The following RASGEF1C variants were observed in gnomAD, a reference collection of about 807,000 sequenced individuals.
The protein encoded by RASGEF1C is RasGEF domain family member 1C, also known as ras-GEF domain-containing family member 1C.
RASGEF1C carries 27 observed loss-of-function variants against 58.1 expected under a neutral mutation model. That is an observed-to-expected ratio of 0.46 (90% CI 0.34 to 0.64). The LOEUF is 0.64. RASGEF1C is among the 30% of genes least tolerant of loss of function. The pLI is 0.01. For missense variants in RASGEF1C, 502 were observed against 605.1 expected, an observed-to-expected ratio of 0.83 and a Z score of 1.79; for synonymous variants, 243 against 246.3, an observed-to-expected ratio of 0.99 and a Z score of 0.13.
At chr5:180,117,563 A>G (rs1766089857) in intron 10 of RASGEF1C, among the ~76,000 whole-genome samples, 2 of 152,306 alleles carry the variant, frequency 1.3e-5, no homozygotes, top group African/African-American at 4.8e-5. Flanking sequence ...TCAGGATGGT[A>G]ACAGGTTTCA....
intron 3 of RASGEF1C, 51 bp from the exon 4 acceptor site, chr5:180,136,566 G>A (rs1201402935): frequency 9.1e-6 from 14 of 1,532,794 alleles, no homozygotes; most frequent in East Asian, 2.4e-5. Flanking sequence ...GGGTGGGCAC[G>A]TGAGCCTCAC....
At chr5:180,195,545 G>C (rs1433338821) in intron 1 of RASGEF1C, among the ~76,000 whole-genome samples, 1 of 152,126 alleles carries the variant, frequency 6.6e-6, no homozygotes, top group Non-Finnish European at 1.5e-5. Flanking sequence ...TGCATCACGA[G>C]GTCAGGAGAT....
chr5:180,101,274 G>A lies in RASGEF1C; in HGVS notation c.*227C>T, dbSNP rs1010887304. ...GCAGGATGTCCCCAAGGCATGTGCC[G>A]CCCGCACGTCTGGAGGCCCTGGGTC... On this transcript the variant is annotated 3_prime_UTR_variant, in exon 14 of 14. Transcript: ENST00000361132. 87 of 578,930 alleles carry A rather than the reference G, an allele frequency of 1.5e-4. 2 individuals carry two copies. The East Asian group carries it at 2.1e-3, about 14-fold the overall frequency. The allele number at this position is 578,930 out of a possible 1,614,324, so 35.9% of individuals were successfully genotyped here.
At position 180,172,320 on chromosome 5, in the gene RASGEF1C, G is replaced by T. The variant is rs1198936586; in HGVS notation, c.-6-34262C>A. On this transcript the variant is annotated intron_variant, in intron 1 of 13. Transcript: ENST00000361132. ...GCCCTTAGATGCCACCTCCAGGAAGGCTCCCATGCCTCCTCCTAGGCAGGA... is the reference window on the plus strand; with the variant it reads ...GCCCTTAGATGCCACCTCCAGGAAGTCTCCCATGCCTCCTCCTAGGCAGGA... Among the ~76,000 whole-genome samples, 4 of 151,966 alleles carry T rather than the reference G, an allele frequency of 2.6e-5. No individual in the cohort carries two copies. In the East Asian group the frequency reaches 5.9e-4, roughly 22 times the overall value.
intron 1 of RASGEF1C, among the ~76,000 whole-genome samples, chr5:180,184,782 A>G (rs547251483): frequency 1.3e-5 from 2 of 152,344 alleles, no homozygotes; most frequent in South Asian, 4.1e-4. Flanking sequence ...AATAGATTTC[A>G]GATCAAATAA....
rs956808677 is a variant in RASGEF1C, at chr5:180,143,345, G to A, written c.-6-5287C>T. 3.3e-5 allele frequency among the ~76,000 whole-genome samples: 5 copies of A among 152,220 alleles called. No individual in the cohort carries two copies. In the East Asian group the frequency reaches 5.8e-4, roughly 18 times the overall value. On this transcript the variant is annotated intron_variant, in intron 1 of 13. Coordinates refer to ENST00000361132, the MANE Select transcript of RASGEF1C (RefSeq NM_175062.4). This position sits in a 1 kb window ranked among gnomAD's most constrained non-coding sequence, Gnocchi z 4.3. The stretch of plus-strand genomic sequence containing the variant: ...CCAGCCCAACCCCTCTATGGGAGAC[G>A]GGAAATGTGTGCAGGGACAGGGGCA...
rs144869075 is a variant in RASGEF1C at position 180,118,722 on chromosome 5, G to A, written c.988-18C>T. 1.4e-3 allele frequency: 2,203 copies of A among 1,614,060 alleles called. 4 individuals are homozygous for A. The highest frequency in any genetic ancestry group is 1.7e-3 in the Non-Finnish European group (2,035 of 1,179,898). On this transcript the variant is annotated intron_variant, in intron 9 of 13. Coordinates refer to ENST00000361132, the MANE Select transcript of RASGEF1C (RefSeq NM_175062.4). ...ATCTGGTGCTGGAAGGAGACAGGGA[G>A]GCATGTGGGCAGTTCTGTCCAGGGG...
intron 1 of RASGEF1C, among the ~76,000 whole-genome samples, chr5:180,202,700 GTCTT>G (rs1427813330): frequency 2.0e-5 from 3 of 151,540 alleles, no homozygotes; most frequent in Non-Finnish European, 2.9e-5. Context: ...GTACTCACAA[GTCTT>G]TCTTTTTTTT....
At chr5:180,167,083 G>A (rs917129408) in intron 1 of RASGEF1C, among the ~76,000 whole-genome samples, 5 of 152,038 alleles carry the variant, frequency 3.3e-5, no homozygotes, top group African/African-American at 1.2e-4. Flanking sequence ...CCTGTCTGGC[G>A]GGTTCTTGAA....
intron 4 of RASGEF1C, among the ~76,000 whole-genome samples, chr5:180,131,736 G>C (rs533768557): frequency 6.6e-6 from 1 of 152,312 alleles, no homozygotes; most frequent in African/African-American, 2.4e-5. Flanking sequence ...CTGCAGGCCC[G>C]TGCCAAAATC....
At chr5:180,152,572 G>T (rs1394189376) in intron 1 of RASGEF1C, among the ~76,000 whole-genome samples, 2 of 105,638 alleles carry the variant, frequency 1.9e-5, no homozygotes, top group African/African-American at 3.6e-5. Flanking sequence ...GTGGGGTGGG[G>T]GGAGGGGGGA....
chr5:180,118,707 G>A lies in RASGEF1C; in HGVS notation c.988-3C>T. 6.2e-7 allele frequency: 1 copy of A among 1,614,200 alleles called. No individual in the cohort carries two copies. The highest frequency in any genetic ancestry group is 8.5e-7 in the Non-Finnish European group (1 of 1,180,008). On this transcript the variant is annotated splice_region_variant and splice_polypyrimidine_tract_variant and intron_variant, in intron 9 of 13. Coordinates refer to ENST00000361132, the MANE Select transcript of RASGEF1C (RefSeq NM_175062.4). ...TTCCCCGTTGGGTCCATCTGGTGCT[G>A]GAAGGAGACAGGGAGGCATGTGGGC... is the stretch of plus-strand genomic sequence containing the variant.
intron 13 of RASGEF1C, 48 bp from the exon 14 acceptor site, chr5:180,101,573 C>A: frequency 6.2e-7 from 1 of 1,604,698 alleles, no homozygotes. Flanking sequence ...GAGCTCCCCA[C>A]CCCAGTTAGA....
chr5:180,203,293 T>A (rs1220262872), intron 1 of RASGEF1C, among the ~76,000 whole-genome samples: 3 of 152,240 alleles, frequency 2.0e-5, no homozygotes, highest in Non-Finnish European at 4.4e-5. Context: ...TACTATGTTA[T>A]GTTTTGTTAT....
intron 1 of RASGEF1C, among the ~76,000 whole-genome samples, chr5:180,193,545 G>A (rs79112752): frequency 0.032 from 4,800 of 152,148 alleles, 94 homozygotes; most frequent in Middle Eastern, 0.051. Flanking sequence ...AGGACCGGGG[G>A]ACTCAACAGG....
chr5:180,149,078 C>CTTTTTTTTTCTTTTTTTTTTT (rs984821951), intron 1 of RASGEF1C, among the ~76,000 whole-genome samples: 1 of 97,154 alleles, frequency 1.0e-5, no homozygotes, highest in African/African-American at 3.7e-5. Flanking sequence ...TTTTTCTTTT[C>CTTTTTTTTTCTTTTTTTTTTT]TTTTTTTTTC....
At chr5:180,149,088 C>CTTTTTTTTTTTTTTTTTTTT (rs61204210) in intron 1 of RASGEF1C, among the ~76,000 whole-genome samples, 8 of 110,158 alleles carry the variant, frequency 7.3e-5, no homozygotes, top group African/African-American at 1.3e-4. Flanking sequence ...CTTTTTTTTT[C>CTTTTTTTTTTTTTTTTTTTT]TTTTTTTTTT....
chr5:180,111,692 C>T (rs1017933658), intron 11 of RASGEF1C, 112 bp from the exon 12 acceptor site: 1 of 1,206,452 alleles, frequency 8.3e-7, no homozygotes, highest in Non-Finnish European at 1.2e-6. Flanking sequence ...GGCTTTAGGG[C>T]TCTGAGGAGG....
chr5:180,199,147 G>A (rs1439725186), intron 1 of RASGEF1C, among the ~76,000 whole-genome samples: 1 of 152,120 alleles, frequency 6.6e-6, no homozygotes, highest in African/African-American at 2.4e-5. Flanking sequence ...AGGTGGCAGG[G>A]GGTGCCTTTC....
Sources: allele counts gnomAD v4.1 joint callset (sites outside exome capture counted in the v4.1 genomes callset), GRCh38; gene constraint gnomAD v4.1.1; non-coding constraint Gnocchi (gnomAD v3.1); transcripts MANE v1.5; gene names NCBI Gene and HGNC (gene_info 2026-07-23, HGNC 2026-07-21).